Variants in DLGAP2 observed in about 807,000 individuals in gnomAD.
The protein encoded by DLGAP2 is disks large-associated protein 2.
DLGAP2 carries 26 observed loss-of-function variants against 100.3 expected under a neutral mutation model. That is an observed-to-expected ratio of 0.26 (90% CI 0.19 to 0.36). The LOEUF (loss-of-function observed/expected upper bound fraction) is 0.36, where lower values mean the gene tolerates loss of function less well. Ranked by LOEUF, DLGAP2 falls within the 10% of genes least tolerant of loss-of-function variation. The probability of loss-of-function intolerance (pLI) is 1.00; values close to 1 mark genes in which losing one functional copy is unlikely to be tolerated. For missense variants in DLGAP2, 1,858 were observed against 1,453.2 expected, an observed-to-expected ratio of 1.28 and a Z score of -4.53; for synonymous variants, 886 against 630.1, an observed-to-expected ratio of 1.41 and a Z score of -6.08.
At chr8:1,592,270 T>C (rs1206539295) in intron 6 of DLGAP2, among the ~76,000 whole-genome samples, 1 of 152,234 alleles carries the variant, frequency 6.6e-6, no homozygotes, top group East Asian at 1.9e-4. Context: ...CTGTTTCTTA[T>C]TAGTCTAAGG....
At chr8:1,362,476 G>A (rs1428855322) in intron 3 of DLGAP2, among the ~76,000 whole-genome samples, 2 of 152,076 alleles carry the variant, frequency 1.3e-5, no homozygotes, top group Non-Finnish European at 2.9e-5. Context: ...GCCTCCGGCG[G>A]GGACACCCGT....
chr8:1,138,502 C>A (rs1023331852), intron 2 of DLGAP2, among the ~76,000 whole-genome samples: 1 of 152,228 alleles, frequency 6.6e-6, no homozygotes, highest in Non-Finnish European at 1.5e-5. Context: ...CCTGAAAATG[C>A]TTTGAATAGA....
At chr8:1,001,845 C>T (rs575381315) in intron 2 of DLGAP2, among the ~76,000 whole-genome samples, 18 of 152,210 alleles carry the variant, frequency 1.2e-4, no homozygotes, top group African/African-American at 4.3e-4. Context: ...AGATCCTGGC[C>T]TGAGGGTCTG....
chr8:1,316,584 C>T (rs1352528994), intron 3 of DLGAP2, among the ~76,000 whole-genome samples: 43 of 141,360 alleles, frequency 3.0e-4, no homozygotes, highest in Admixed American at 1.3e-3. Flanking sequence ...CAGTGGTCTA[C>T]ACTCGAGACA....
At chr8:1,540,283 G>T (rs922404232) in intron 4 of DLGAP2, among the ~76,000 whole-genome samples, 1 of 152,172 alleles carries the variant, frequency 6.6e-6, no homozygotes, top group Non-Finnish European at 1.5e-5. Context: ...ACTGTCTGAC[G>T]TTTGCCTGTT....
In DLGAP2 at chr8:1,077,700, T is replaced by G. The variant is rs1803666615; in HGVS notation, c.73+169734T>G. On this transcript the variant is annotated intron_variant, in intron 2 of 14. Coordinates refer to ENST00000637795, the MANE Select transcript of DLGAP2 (RefSeq NM_001346810.2). ...TACTAAGAATGTTCTTAAGAAGCCCTTGAGCTATGTGTTTTGCTCCATTGT... is the reference window on the plus strand; with the variant it reads ...TACTAAGAATGTTCTTAAGAAGCCCGTGAGCTATGTGTTTTGCTCCATTGT... Among the ~76,000 whole-genome samples, 5 of 152,224 alleles carry G rather than the reference T, an allele frequency of 3.3e-5. No individual in the cohort carries two copies. In the South Asian group the frequency reaches 1.0e-3, roughly 32 times the overall value.
chr8:1,457,944 A>G (rs1798361384), intron 3 of DLGAP2, among the ~76,000 whole-genome samples: 1 of 143,190 alleles, frequency 7.0e-6, no homozygotes, highest in Non-Finnish European at 1.5e-5. Flanking sequence ...TATAAAAGCT[A>G]AACTCCTGTC....
chr8:1,188,089 A>G (rs1797551665), intron 2 of DLGAP2, among the ~76,000 whole-genome samples: 1 of 133,474 alleles, frequency 7.5e-6, no homozygotes, highest in Non-Finnish European at 1.5e-5. Context: ...TGCCTCATGG[A>G]ATCTCACACA....
At position 932,144 on chromosome 8, in the gene DLGAP2, C is replaced by T. The variant is rs541470666; in HGVS notation, c.73+24178C>T. On this transcript the variant is annotated intron_variant, in intron 2 of 14. Transcript: ENST00000637795. ...AAGAGCAAGTGTCTGATGTTTTTGTCGACAAACCTTTTCCTTTTCACCTTT... is the reference window on the plus strand; with the variant it reads ...AAGAGCAAGTGTCTGATGTTTTTGTTGACAAACCTTTTCCTTTTCACCTTT... Among the ~76,000 whole-genome samples the T allele has an allele frequency of 9.2e-5, 14 of 152,252 alleles. No homozygotes were observed. In the South Asian group the frequency reaches 2.1e-3, roughly 23 times the overall value.
intron 2 of DLGAP2, among the ~76,000 whole-genome samples, chr8:1,073,574 C>T (rs1803500277): frequency 6.6e-6 from 1 of 152,212 alleles, no homozygotes; most frequent in African/African-American, 2.4e-5. Context: ...TTTTTGTTTT[C>T]TTAGAAGCAC....
intron 2 of DLGAP2, among the ~76,000 whole-genome samples, chr8:978,722 A>C (rs1800239611): frequency 6.6e-6 from 1 of 152,080 alleles, no homozygotes; most frequent in South Asian, 2.1e-4. Flanking sequence ...GGTCTTTGCC[A>C]CGCGGGCATG....
intron 3 of DLGAP2, among the ~76,000 whole-genome samples, chr8:1,480,651 AC>A (rs35218279): frequency 0.2 from 30,522 of 150,206 alleles, 3,800 homozygotes; most frequent in Non-Finnish European, 0.28. Context: ...GGAGTTCTAG[AC>A]CAGCCTGACC....
chr8:983,475 C>T (rs190403260), intron 2 of DLGAP2, among the ~76,000 whole-genome samples: 33 of 152,278 alleles, frequency 2.2e-4, no homozygotes, highest in African/African-American at 7.9e-4. Flanking sequence ...CCTTAGAATC[C>T]ACGTGTTGGT....
intron 2 of DLGAP2, among the ~76,000 whole-genome samples, chr8:951,892 G>A (rs1361732994): frequency 1.3e-5 from 2 of 152,206 alleles, no homozygotes; most frequent in Non-Finnish European, 2.9e-5. Flanking sequence ...GGCCCTGGTA[G>A]ACTCATTGGA....
intron 3 of DLGAP2, among the ~76,000 whole-genome samples, chr8:1,384,681 T>G (rs1313474850): frequency 7.4e-4 from 43 of 58,258 alleles, no homozygotes; most frequent in South Asian, 1.7e-3. Context: ...CCTGTGCCCG[T>G]CCCCTGAGAA....
intron 3 of DLGAP2, among the ~76,000 whole-genome samples, chr8:1,320,994 T>C (rs761598277): frequency 2.0e-5 from 3 of 151,870 alleles, no homozygotes; most frequent in African/African-American, 4.8e-5. Flanking sequence ...CGTGCATCCG[T>C]GTGCCTCTGC....
At chr8:801,414 C>T (rs571017046) in intron 1 of DLGAP2, among the ~76,000 whole-genome samples, 30 of 152,140 alleles carry the variant, frequency 2.0e-4, no homozygotes, top group Non-Finnish European at 3.7e-4. Flanking sequence ...GTGGGCCCCA[C>T]TCTTATGCTA....
chr8:1,151,169 C>G (rs1336199241), intron 2 of DLGAP2, among the ~76,000 whole-genome samples: 2 of 152,190 alleles, frequency 1.3e-5, no homozygotes, highest in African/African-American at 2.4e-5. Context: ...AACCACGTCC[C>G]TGCAGAGGAA....
intron 3 of DLGAP2, among the ~76,000 whole-genome samples, chr8:1,407,490 G>A (rs1324059944): frequency 2.1e-3 from 309 of 146,552 alleles, no homozygotes; most frequent in African/African-American, 7.0e-3. Context: ...AGTGTATTGA[G>A]TGCTTACTGA....
Sources: allele counts gnomAD v4.1 joint callset (sites outside exome capture counted in the v4.1 genomes callset), GRCh38; gene constraint gnomAD v4.1.1; transcripts MANE v1.5; gene names NCBI Gene and HGNC (gene_info 2026-07-23, HGNC 2026-07-21).